Variants in PRDM16 observed in about 807,000 individuals in gnomAD.
PRDM16 encodes histone-lysine N-methyltransferase PRDM16.
PRDM16 carries 23 observed loss-of-function variants against 110.6 expected under a neutral mutation model. The ratio of observed to expected loss-of-function variants is 0.21; its 90% confidence interval spans 0.15 to 0.29. PRDM16 has a LOEUF of 0.29. Ranked by LOEUF, PRDM16 falls within the 10% of genes least tolerant of loss-of-function variation. The pLI is 1.00. For synonymous variants in PRDM16, 799 were observed against 781.8 expected (o/e 1.02, Z -0.37); for missense variants, 1,615 against 1,794.3 (o/e 0.90, Z 1.81).
rs116514394 is a variant in PRDM16 at position 3,175,767 on chromosome 1, A to G, written c.38-10358A>G. 0.062 allele frequency among the ~76,000 whole-genome samples: 9,487 copies of G among 152,248 alleles called. 316 individuals are homozygous for G. Among genetic ancestry groups the G allele is most frequent in the Admixed American group, 0.077 (1,176 of 15,294 alleles). ...GAGAAACCAGCCCTTTCTCCGAGGC[A>G]GGGCCTGGCTGAGAAAGCCCAGACG... On this transcript the variant is annotated intron_variant, in intron 1 of 16. Coordinates refer to ENST00000270722, the MANE Select transcript of PRDM16 (RefSeq NM_022114.4). This position sits in a 1 kb window ranked among gnomAD's most constrained non-coding sequence, Gnocchi z 4.8.
At chr1:3,191,018 G>A (rs1638296930) in intron 2 of PRDM16, among the ~76,000 whole-genome samples, 1 of 152,076 alleles carries the variant, frequency 6.6e-6, no homozygotes, top group South Asian at 2.1e-4. Context: ...GGCACTGGGG[G>A]CACTTTGCTC....
rs1238758782 is a variant in PRDM16 at position 3,411,494 on chromosome 1, A to G, written c.1297A>G (p.Ser433Gly). The G allele has an allele frequency of 6.2e-7, 1 of 1,614,226 alleles. No individual in the cohort carries two copies. The highest frequency in any genetic ancestry group is 8.5e-7 in the Non-Finnish European group (1 of 1,180,036). ...IKCKDCGQMFSTTSSLNKHRR... is the reference protein window; with the variant it reads ...IKCKDCGQMFGTTSSLNKHRR... ...GTGCAAGGACTGTGGCCAGATGTTCAGCACTACCTCCTCCCTCAACAAGCA... is the reference window on the plus strand; with the variant it reads ...GTGCAAGGACTGTGGCCAGATGTTCGGCACTACCTCCTCCCTCAACAAGCA... Residue 433 changes from serine to glycine, a missense_variant, in exon 9 of 17, where the codon AGC becomes GGC. Ser to Gly is a moderately conservative substitution (Grantham distance 56). Around this residue, in one of 5 missense-constraint regions of PRDM16, gnomAD observed 772 missense variants for 748.3 expected, o/e 1.03. Transcript: ENST00000270722.
chr1:3,385,193 A>G lies in PRDM16; in HGVS notation c.480A>G (p.Ala160=). The change falls in exon 4 of 17, where the codon GCA becomes GCG. Residue 160 remains alanine, a synonymous_variant. Coordinates refer to ENST00000270722, the MANE Select transcript of PRDM16 (RefSeq NM_022114.4). ...GCAGTGAGAAGTTCTGCGTGGATGC[A>G]AATCAGGCGGGGGCTGGCAGCTGGC... is the stretch of plus-strand genomic sequence containing the variant. ...DLGSEKFCVD[A]NQAGAGSWLK... 6.2e-7 allele frequency: 1 copy of G among 1,613,726 alleles called. No individual in the cohort carries two copies. The highest frequency in any genetic ancestry group is 8.5e-7 in the Non-Finnish European group (1 of 1,180,030).
intron 1 of PRDM16, among the ~76,000 whole-genome samples, chr1:3,123,408 C>T (rs553804056): frequency 6.6e-6 from 1 of 152,344 alleles, no homozygotes; most frequent in African/African-American, 2.4e-5. Context: ...GTGTGGGTGG[C>T]TGAGATCAAT....
intron 3 of PRDM16, among the ~76,000 whole-genome samples, chr1:3,277,719 ACACACACACGCG>A (rs899382690): frequency 1.5e-5 from 2 of 135,318 alleles, no homozygotes; most frequent in Non-Finnish European, 3.0e-5. Flanking sequence ...ACCCACATGC[ACACACACACGCG>A]CGCACACACG....
intron 3 of PRDM16, among the ~76,000 whole-genome samples, chr1:3,321,861 T>A (rs1641760897): frequency 6.6e-6 from 1 of 151,788 alleles, no homozygotes; most frequent in South Asian, 2.1e-4. Flanking sequence ...TGTGTGAGTG[T>A]GTGCATTTGT....
intron 15 of PRDM16, 49 bp downstream of exon 15, chr1:3,431,157 G>C: frequency 6.5e-7 from 1 of 1,531,044 alleles, no homozygotes; most frequent in Middle Eastern, 2.3e-4. Flanking sequence ...GAACGTGGGC[G>C]TCCATCACGA....
At chr1:3,146,450 G>C (rs1161753270) in intron 1 of PRDM16, among the ~76,000 whole-genome samples, 1 of 151,862 alleles carries the variant, frequency 6.6e-6, no homozygotes, top group Non-Finnish European at 1.5e-5. Flanking sequence ...GTGTGCACAT[G>C]TGTTCAGTGT....
Position 3,345,041 on chromosome 1 carries a change from C to G in PRDM16, c.439-40111C>G, listed in dbSNP as rs1055052045. ...CTCCTTCCTTTCCATGGTTTCTCCC[C>G]TCAACTTACAGATGCTCTGACAGCC... On this transcript the variant is annotated intron_variant, in intron 3 of 16. Transcript: ENST00000270722. Among the ~76,000 whole-genome samples, 9 of 152,312 alleles carry G rather than the reference C, an allele frequency of 5.9e-5. No homozygotes were observed. The East Asian group carries it at 1.7e-3, about 29-fold the overall frequency.
chr1:3,185,209 T>C (rs552669627), intron 1 of PRDM16, among the ~76,000 whole-genome samples: 4 of 152,200 alleles, frequency 2.6e-5, no homozygotes, highest in Admixed American at 2.6e-4. Flanking sequence ...TCTGGTATAG[T>C]TTCGGCTGCA....
In PRDM16 at chr1:3,385,238, G is replaced by A. The variant is rs761677255; in HGVS notation, c.525G>A (p.Ala175=). The change falls in exon 4 of 17, where the codon GCG becomes GCA. Residue 175 remains alanine (A), a synonymous_variant. Transcript: ENST00000270722. ...GCTGGCTCAAGTACATCCGTGTGGC[G>A]TGCTCCTGCGATGACCAGAACCTCA... is the stretch of plus-strand genomic sequence containing the variant. The part of the protein sequence containing the change: ...AGSWLKYIRV[A]CSCDDQNLTM... 2.3e-5 allele frequency: 37 copies of A among 1,613,602 alleles called. No individual in the cohort carries two copies. The highest frequency in any genetic ancestry group is 2.0e-4 in the Admixed American group (12 of 60,012).
chr1:3,073,932 C>A (rs1641828597), intron 1 of PRDM16, among the ~76,000 whole-genome samples: 1 of 152,176 alleles, frequency 6.6e-6, no homozygotes, highest in Non-Finnish European at 1.5e-5. Context: ...ACACCGTGGG[C>A]GCCAGGCCCC....
chr1:3,355,871 G>T (rs1642586070), intron 3 of PRDM16, among the ~76,000 whole-genome samples: 1 of 152,118 alleles, frequency 6.6e-6, no homozygotes, highest in East Asian at 1.9e-4. Context: ...GAAAATCAGG[G>T]TGCCCTGCAG....
intron 1 of PRDM16, among the ~76,000 whole-genome samples, chr1:3,111,024 C>T (rs532105596): frequency 1.6e-4 from 24 of 152,284 alleles, no homozygotes; most frequent in African/African-American, 5.3e-4. Context: ...GATGTGGCAC[C>T]GATGTATTGA....
chr1:3,217,531 T>G (rs903416815), intron 2 of PRDM16, among the ~76,000 whole-genome samples: 1 of 152,088 alleles, frequency 6.6e-6, no homozygotes, highest in African/African-American at 2.4e-5. Context: ...ATCTCAAGAG[T>G]GCCTGGGAGC....
intron 3 of PRDM16, among the ~76,000 whole-genome samples, chr1:3,270,846 TGGAGGAGGACAGTGG>T (rs1406886765): frequency 4.8e-5 from 7 of 146,832 alleles, no homozygotes; most frequent in African/African-American, 7.6e-5. Flanking sequence ...AGTACAATCC[TGGAGGAGGACAGTGG>T]GGAGGAGGAC....
intron 1 of PRDM16, among the ~76,000 whole-genome samples, chr1:3,160,468 C>T (rs1174396334): frequency 6.6e-6 from 1 of 152,180 alleles, no homozygotes. Flanking sequence ...TTGTGGAGCA[C>T]AGGAAGGACA....
At chr1:3,334,439 T>C (rs1019381696) in intron 3 of PRDM16, among the ~76,000 whole-genome samples, 40 of 148,630 alleles carry the variant, frequency 2.7e-4, no homozygotes, top group African/African-American at 9.4e-4. Flanking sequence ...CAGATGTCAC[T>C]AGGGTCATTT....
At chr1:3,328,286 T>G (rs1275642410) in intron 3 of PRDM16, among the ~76,000 whole-genome samples, 2 of 152,218 alleles carry the variant, frequency 1.3e-5, no homozygotes, top group Non-Finnish European at 2.9e-5. Context: ...GTCAGATAAT[T>G]CTGTTGTGGG....
Sources: allele counts gnomAD v4.1 joint callset (sites outside exome capture counted in the v4.1 genomes callset), GRCh38; gene constraint gnomAD v4.1.1; regional missense constraint gnomAD v4.1.1; non-coding constraint Gnocchi (gnomAD v3.1); transcripts MANE v1.5; gene names NCBI Gene and HGNC (gene_info 2026-07-23, HGNC 2026-07-21).